The following CSTF3 variants were observed in gnomAD, a reference collection of about 807,000 sequenced individuals.
CSTF3 encodes the protein cleavage stimulation factor subunit 3, also known as CF-1 77 kDa subunit.
Under a neutral mutation model 105.8 loss-of-function variants are expected in CSTF3, and 29 were observed. That is an observed-to-expected ratio of 0.27 (90% CI 0.20 to 0.37). The LOEUF is 0.37. CSTF3 is among the 10% of genes least tolerant of loss of function. The pLI, the probability that CSTF3 is intolerant of heterozygous loss-of-function variation, is 1.00. For missense variants in CSTF3, 357 were observed against 879.3 expected (o/e 0.41, Z 7.51); for synonymous variants, 252 against 281.9 (o/e 0.89, Z 1.06).
intron 3 of CSTF3, among the ~76,000 whole-genome samples, chr11:33,127,401 G>A (rs1356481850): frequency 1.3e-5 from 2 of 152,110 alleles, no homozygotes; most frequent in African/African-American, 4.8e-5. Flanking sequence ...AGTGATCAAA[G>A]TTCCATTATA....
At chr11:33,160,011 T>C (rs1849919028) in intron 1 of CSTF3, among the ~76,000 whole-genome samples, 2 of 152,090 alleles carry the variant, frequency 1.3e-5, no homozygotes, top group South Asian at 4.2e-4. Context: ...TCCGTGTCTT[T>C]GTAATTTTAG....
intron 3 of CSTF3, among the ~76,000 whole-genome samples, chr11:33,117,905 G>A (rs1351737034): frequency 6.6e-6 from 1 of 151,854 alleles, no homozygotes; most frequent in Non-Finnish European, 1.5e-5. Flanking sequence ...TACTGAGTAG[G>A]AAGAAATGCA....
intron 3 of CSTF3, among the ~76,000 whole-genome samples, chr11:33,126,940 GT>G (rs548175085): frequency 3.9e-5 from 6 of 152,320 alleles, no homozygotes; most frequent in African/African-American, 1.4e-4. Context: ...GGGGATAGAA[GT>G]GGCAATTTTA....
rs111413622 is a variant in CSTF3 at position 33,096,334 on chromosome 11, G to A, written c.1347C>T (p.Ala449=). The change falls in exon 15 of 21, where the codon GCC becomes GCT. Residue 449 remains alanine, a synonymous_variant. Transcript: ENST00000323959. ...TGAGGTGAGAAAGATAGTCAATATA[G>A]GCCAGGACATACTCTGGAATGTCTC... ...KYGDIPEYVL[A]YIDYLSHLNE... is the part of the protein sequence containing the mutation. 1.0e-4 allele frequency: 161 copies of A among 1,594,512 alleles called. No individual in the cohort carries two copies. The highest frequency in any genetic ancestry group is 2.1e-5 in the Non-Finnish European group (25 of 1,175,602).
chr11:33,133,089 CTA>C (rs1855617107), intron 3 of CSTF3, among the ~76,000 whole-genome samples: 1 of 151,994 alleles, frequency 6.6e-6, no homozygotes, highest in South Asian at 2.1e-4. Flanking sequence ...ATTATCTTTA[CTA>C]ACTATACTCA....
At chr11:33,129,039 GC>G (rs747075885) in intron 3 of CSTF3, among the ~76,000 whole-genome samples, 4 of 152,190 alleles carry the variant, frequency 2.6e-5, no homozygotes, top group Non-Finnish European at 5.9e-5. Flanking sequence ...AATTTTAGAA[GC>G]AATTTAGGAA....
intron 1 of CSTF3, chr11:33,144,963 C>A: frequency 6.2e-6 from 1 of 161,666 alleles, no homozygotes; most frequent in South Asian, 1.1e-4. Context: ...GGTGACAGAG[C>A]CAGACCCTGT....
At chr11:33,137,272 G>T (rs550924919) in intron 3 of CSTF3, among the ~76,000 whole-genome samples, 1 of 151,722 alleles carries the variant, frequency 6.6e-6, no homozygotes, top group African/African-American at 2.4e-5. Context: ...TCACATAAAA[G>T]AATTATCTAG....
At chr11:33,154,093 C>G (rs928603541) in intron 1 of CSTF3, among the ~76,000 whole-genome samples, 19 of 152,106 alleles carry the variant, frequency 1.2e-4, no homozygotes, top group Non-Finnish European at 2.9e-5. Context: ...TTAAAACAAC[C>G]AGCTATCATC....
chr11:33,102,287 G>A lies in CSTF3; in HGVS notation c.716C>T (p.Pro239Leu). The change falls in exon 10 of 21, where the codon CCT becomes CTT. Residue 239 changes from proline to leucine, a missense_variant. Physicochemically the swap from Pro to Leu is moderately conservative, Grantham distance 98 (BLOSUM62 -3). Transcript: ENST00000323959. ...GLDRNAPSVP[P>L]QNTPQEAQQV... Reference sequence around the variant, plus strand: ...TTGAGCTTCTTGAGGAGTATTCTGAGGAGGCACCGAGGGAGCATTACGGTC... The same window carrying A: ...TTGAGCTTCTTGAGGAGTATTCTGAAGAGGCACCGAGGGAGCATTACGGTC... The A allele has an allele frequency of 6.2e-7, 1 of 1,613,956 alleles. No individual in the cohort carries two copies. Among genetic ancestry groups the A allele is most frequent in the Non-Finnish European group, 8.5e-7 (1 of 1,179,908 alleles).
chr11:33,119,480 C>T (rs1278997948), intron 3 of CSTF3, among the ~76,000 whole-genome samples: 1 of 150,962 alleles, frequency 6.6e-6, no homozygotes, highest in Non-Finnish European at 1.5e-5. Flanking sequence ...AAATCACTTT[C>T]CAAAAACAGG....
Position 33,085,144 on chromosome 11 carries a change from G to A in CSTF3, c.2097C>T (p.Ala699=), listed in dbSNP as rs370908432. 14 of 1,613,990 alleles carry A rather than the reference G, an allele frequency of 8.7e-6. No individual in the cohort carries two copies. The African/African-American group carries it at 1.2e-4, about 14-fold the overall frequency. The change falls in exon 21 of 21, where the codon GCC becomes GCT. Residue 699 remains alanine, a synonymous_variant. Transcript: ENST00000323959. ...EDSDEDEEKG[A]VVPPVHDIYR... ...AAATGTCATGAACAGGGGGGACAACGGCTCCCTTTTCTTCATCTTCATCTG... is the reference window on the plus strand; with the variant it reads ...AAATGTCATGAACAGGGGGGACAACAGCTCCCTTTTCTTCATCTTCATCTG...
intron 17 of CSTF3, among the ~76,000 whole-genome samples, chr11:33,089,277 A>G (rs1855141231): frequency 6.6e-6 from 1 of 151,350 alleles, no homozygotes; most frequent in South Asian, 2.1e-4. Flanking sequence ...GCCCAGGGAG[A>G]TCAAGGCTGC....
intron 3 of CSTF3, among the ~76,000 whole-genome samples, chr11:33,135,347 T>C (rs947985302): frequency 4.6e-5 from 7 of 152,132 alleles, no homozygotes; most frequent in African/African-American, 1.7e-4. Flanking sequence ...CAGGCAAGTA[T>C]AGGAAATATT....
At chr11:33,117,664 T>TAC (rs910439722) in intron 3 of CSTF3, among the ~76,000 whole-genome samples, 4 of 150,824 alleles carry the variant, frequency 2.7e-5, no homozygotes, top group African/African-American at 9.7e-5. Context: ...CTCAGCACAA[T>TAC]ATATATATAT....
chr11:33,130,870 AC>A (rs1461460928), intron 3 of CSTF3, among the ~76,000 whole-genome samples: 1 of 152,030 alleles, frequency 6.6e-6, no homozygotes, highest in Non-Finnish European at 1.5e-5. Context: ...AACCCAAAAC[AC>A]CACAAAAATT....
At chr11:33,157,060 C>A (rs941671839) in intron 1 of CSTF3, among the ~76,000 whole-genome samples, 1 of 151,494 alleles carries the variant, frequency 6.6e-6, no homozygotes, top group Non-Finnish European at 1.5e-5. Flanking sequence ...TTAAAAAAAA[C>A]AAACACCACA....
intron 9 of CSTF3, 50 bp downstream of exon 9, chr11:33,103,057 A>G (rs1855294896): frequency 8.3e-7 from 1 of 1,202,146 alleles, no homozygotes; most frequent in Non-Finnish European, 1.2e-6. Flanking sequence ...GCTCTGCTGT[A>G]AACAACAGAC....
intron 15 of CSTF3, among the ~76,000 whole-genome samples, chr11:33,095,839 T>A (rs1169047407): frequency 4.2e-4 from 64 of 151,454 alleles, no homozygotes; most frequent in South Asian, 3.6e-3. Context: ...AATAAATAAA[T>A]AAATAAATAA....
Sources: gnomAD v4.1 joint callset for allele counts (sites outside exome capture counted in the v4.1 genomes callset) on GRCh38, gnomAD v4.1.1 for gene constraint, MANE v1.5 for transcripts, NCBI Gene and HGNC (gene_info 2026-07-23, HGNC 2026-07-21) for gene names.